DOCK3: variants seen among roughly 807,000 people sequenced by gnomAD.
DOCK3 encodes dedicator of cytokinesis 3.
A neutral mutation model predicts 265.6 loss-of-function variants in DOCK3; 60 were observed. That is an observed-to-expected ratio of 0.23 (90% confidence interval 0.18 to 0.28). The LOEUF is 0.28. Among genes scored for constraint, DOCK3 ranks in the 10% least tolerant of loss-of-function variants. The probability of loss-of-function intolerance (pLI) is 1.00; values close to 1 mark genes in which losing one functional copy is unlikely to be tolerated. For missense variants in DOCK3, 1,981 were observed against 2,594.3 expected (o/e 0.76, Z 5.14); for synonymous variants, 881 against 938.0 (o/e 0.94, Z 1.11).
At chr3:50,736,070 G>T (rs2038582005) in intron 1 of DOCK3, among the ~76,000 whole-genome samples, 1 of 152,092 alleles carries the variant, frequency 6.6e-6, no homozygotes, top group Non-Finnish European at 1.5e-5. Flanking sequence ...CCCACAATGG[G>T]CCCTGGTGTG....
At chr3:51,102,116 C>T (rs1441755117) in intron 9 of DOCK3, among the ~76,000 whole-genome samples, 1 of 152,220 alleles carries the variant, frequency 6.6e-6, no homozygotes, top group African/African-American at 2.4e-5. Context: ...ACTGTAAGGC[C>T]TGTGGCTGGT....
intron 4 of DOCK3, among the ~76,000 whole-genome samples, chr3:50,911,720 GAGAA>G (rs915128336): frequency 2.6e-5 from 4 of 152,060 alleles, no homozygotes; most frequent in South Asian, 4.2e-4. Context: ...GAGAGAGAGA[GAGAA>G]AGAAAGAGAG....
intron 1 of DOCK3, chr3:50,685,531 A>G (rs2034731301): frequency 1.3e-5 from 2 of 152,782 alleles, no homozygotes; most frequent in African/African-American, 4.8e-5. Context: ...CCTCACTGAC[A>G]TCTATAGGAA....
chr3:51,111,286 C>T (rs915563342), intron 9 of DOCK3, among the ~76,000 whole-genome samples: 9 of 152,032 alleles, frequency 5.9e-5, no homozygotes, highest in African/African-American at 2.2e-4. Context: ...CAGGAGACAT[C>T]ATGCTACTCT....
intron 27 of DOCK3, among the ~76,000 whole-genome samples, chr3:51,295,699 G>A: frequency 6.6e-6 from 1 of 151,544 alleles, no homozygotes; most frequent in East Asian, 1.9e-4. Flanking sequence ...TTTCTCCTAA[G>A]ATCAGGAACA....
In DOCK3 at chr3:51,380,089, C is replaced by T. The variant is rs782808444; in HGVS notation, c.5501-36C>T. 3 of 1,589,980 alleles carry T rather than the reference C, an allele frequency of 1.9e-6. No individual in the cohort carries two copies. In the East Asian group the frequency reaches 6.7e-5, roughly 36 times the overall value. ...GTGCTGGCATGAAGTCTGTGCAGGGCCCCCAGCTGAGGCTCTGGTTCTGTT... is the reference window on the plus strand; with the variant it reads ...GTGCTGGCATGAAGTCTGTGCAGGGTCCCCAGCTGAGGCTCTGGTTCTGTT... On this transcript the variant is annotated intron_variant, in intron 51 of 52. Transcript: ENST00000266037.
At chr3:50,859,100 C>T (rs1393301679) in intron 3 of DOCK3, among the ~76,000 whole-genome samples, 1 of 151,838 alleles carries the variant, frequency 6.6e-6, no homozygotes, top group Non-Finnish European at 1.5e-5. Context: ...TTGTCATCCT[C>T]CTGACTCTCG....
At chr3:51,043,171 T>C (rs1175468146) in intron 5 of DOCK3, among the ~76,000 whole-genome samples, 2 of 152,186 alleles carry the variant, frequency 1.3e-5, no homozygotes, top group Admixed American at 1.3e-4. Context: ...AGCATCACAC[T>C]ACCTGACTCC....
chr3:50,704,837 C>T (rs1301886141), intron 1 of DOCK3, among the ~76,000 whole-genome samples: 1 of 152,028 alleles, frequency 6.6e-6, no homozygotes, highest in African/African-American at 2.4e-5. Context: ...TCATGTTGGC[C>T]AGGCTGGTCT....
intron 9 of DOCK3, among the ~76,000 whole-genome samples, chr3:51,135,081 T>C (rs1426035514): frequency 6.6e-6 from 1 of 152,236 alleles, no homozygotes; most frequent in Non-Finnish European, 1.5e-5. Context: ...TCTCACATAT[T>C]TTCTCTGACT....
intron 5 of DOCK3, among the ~76,000 whole-genome samples, chr3:50,935,793 GA>G (rs1376576414): frequency 3.3e-5 from 5 of 152,188 alleles, no homozygotes; most frequent in African/African-American, 1.2e-4. Context: ...TTTGTAACTG[GA>G]TTGATGTTCA....
chr3:50,831,699 T>A (rs1446365614), intron 2 of DOCK3, among the ~76,000 whole-genome samples: 1 of 152,244 alleles, frequency 6.6e-6, no homozygotes, highest in Non-Finnish European at 1.5e-5. Context: ...TATGTGTGCA[T>A]GCATCTTTAT....
chr3:51,380,450 G>C (rs2088532476), intron 52 of DOCK3, among the ~76,000 whole-genome samples: 1 of 152,218 alleles, frequency 6.6e-6, no homozygotes, highest in Non-Finnish European at 1.5e-5. Flanking sequence ...ACAGTACCAA[G>C]AGTGTGTGGG....
intron 12 of DOCK3, among the ~76,000 whole-genome samples, chr3:51,202,075 G>T (rs1008785521): frequency 5.9e-5 from 9 of 151,820 alleles, no homozygotes; most frequent in Admixed American, 1.3e-4. Flanking sequence ...AAGCAGGAAA[G>T]ATCCAAAATT....
rs1575322458 is a variant in DOCK3 at position 50,839,589 on chromosome 3, A to G, written c.122-2086A>G. ...TTTTAATTTGCAGTTGCTTAATCAC[A>G]TAATGATGTTGAGCAGCTTCTCATA... is the stretch of plus-strand genomic sequence containing the variant. On this transcript the variant is annotated intron_variant, in intron 2 of 52. Coordinates refer to ENST00000266037, the MANE Select transcript of DOCK3 (RefSeq NM_004947.5). 2.0e-5 allele frequency among the ~76,000 whole-genome samples: 3 copies of G among 152,300 alleles called. No individual in the cohort carries two copies. In the East Asian group the frequency reaches 5.8e-4, roughly 29 times the overall value.
At chr3:51,151,914 C>T (rs1236813542) in intron 10 of DOCK3, among the ~76,000 whole-genome samples, 1 of 152,108 alleles carries the variant, frequency 6.6e-6, no homozygotes, top group Non-Finnish European at 1.5e-5. Flanking sequence ...TTTTCTCTCT[C>T]GCTGCCCTTA....
chr3:50,694,006 C>T (rs533317332), intron 1 of DOCK3, among the ~76,000 whole-genome samples: 17 of 152,174 alleles, frequency 1.1e-4, no homozygotes, highest in South Asian at 4.1e-4. Context: ...TGGTGGCTCA[C>T]GCCTGTAATC....
intron 5 of DOCK3, among the ~76,000 whole-genome samples, chr3:51,014,137 C>G (rs2079060036): frequency 6.6e-6 from 1 of 152,100 alleles, no homozygotes; most frequent in African/African-American, 2.4e-5. Context: ...GGGCAGTGCC[C>G]CACCCTGCTT....
At chr3:50,936,111 A>G (rs991785353) in intron 5 of DOCK3, among the ~76,000 whole-genome samples, 2 of 152,194 alleles carry the variant, frequency 1.3e-5, no homozygotes, top group East Asian at 1.9e-4. Flanking sequence ...TAGAAACTAT[A>G]AAGAACCAAA....
Sources: gnomAD v4.1 joint callset for allele counts (sites outside exome capture counted in the v4.1 genomes callset) on GRCh38, gnomAD v4.1.1 for gene constraint, MANE v1.5 for transcripts, NCBI Gene and HGNC (gene_info 2026-07-23, HGNC 2026-07-21) for gene names.